The following PRKN variants were observed in gnomAD, a reference collection of about 807,000 sequenced individuals.
The protein encoded by PRKN is parkin RBR E3 ubiquitin protein ligase.
In PRKN, 56 loss-of-function variants were observed where a neutral mutation model predicts 59.5. The ratio of observed to expected loss-of-function variants is 0.94; its 90% CI spans 0.76 to 1.18. The LOEUF is 1.18. Ranked by LOEUF, PRKN falls within the 50% of genes most tolerant of loss-of-function variation. PRKN has a pLI of 0.00. For synonymous variants in PRKN, 250 were observed against 222.1 expected (o/e 1.13, Z -1.12); for missense variants, 657 against 596.4 (o/e 1.10, Z -1.06).
intron 2 of PRKN, among the ~76,000 whole-genome samples, chr6:162,354,866 T>TTTA (rs1784780559): frequency 6.6e-6 from 1 of 152,058 alleles, no homozygotes; most frequent in Non-Finnish European, 1.5e-5. Flanking sequence ...AAATTACTAG[T>TTTA]TTATTTATGC....
chr6:162,513,177 G>A (rs1291735459), intron 1 of PRKN, among the ~76,000 whole-genome samples: 1 of 152,022 alleles, frequency 6.6e-6, no homozygotes, highest in Non-Finnish European at 1.5e-5. Flanking sequence ...CCAAGGCAAG[G>A]AGACAAAAAA....
intron 6 of PRKN, among the ~76,000 whole-genome samples, chr6:161,966,703 G>C (rs947578809): frequency 6.6e-6 from 1 of 152,230 alleles, no homozygotes; most frequent in Non-Finnish European, 1.5e-5. Context: ...AGTCACTACT[G>C]TTGGTAAGGA....
chr6:161,694,712 G>T (rs1785943679), intron 7 of PRKN, among the ~76,000 whole-genome samples: 1 of 152,166 alleles, frequency 6.6e-6, no homozygotes, highest in African/African-American at 2.4e-5. Context: ...AGTGGTTAAA[G>T]TTCCCACTTT....
At position 162,191,333 on chromosome 6, in the gene PRKN, A is replaced by G. The variant is rs377268558; in HGVS notation, c.534+9798T>C. Among the ~76,000 whole-genome samples the G allele has an allele frequency of 4.6e-5, 7 of 152,208 alleles. No homozygotes were observed. The East Asian group carries it at 1.2e-3, about 25-fold the overall frequency. The stretch of plus-strand genomic sequence containing the variant: ...ATGTGGCAAACACTTGCTTTTCAAC[A>G]TGCTTCGTTACTATCACTGGCCATA... On this transcript the variant is annotated intron_variant, in intron 4 of 11. Transcript: ENST00000366898.
intron 2 of PRKN, among the ~76,000 whole-genome samples, chr6:162,340,409 C>T (rs999726447): frequency 7.9e-5 from 12 of 152,116 alleles, no homozygotes; most frequent in Non-Finnish European, 1.6e-4. Flanking sequence ...TATAGTCAAA[C>T]CATAATGAAA....
intron 2 of PRKN, among the ~76,000 whole-genome samples, chr6:162,376,886 G>A (rs1441261798): frequency 6.7e-6 from 1 of 148,888 alleles, no homozygotes; most frequent in Non-Finnish European, 1.5e-5. Flanking sequence ...GGGAGAGGGA[G>A]AGGGAAAGAG....
intron 9 of PRKN, among the ~76,000 whole-genome samples, chr6:161,537,295 A>G (rs1479429130): frequency 6.6e-6 from 1 of 152,234 alleles, no homozygotes; most frequent in East Asian, 1.9e-4. Context: ...CATTCTTTAA[A>G]AATCTAGCAA....
intron 6 of PRKN, among the ~76,000 whole-genome samples, chr6:161,917,877 C>T (rs1048757723): frequency 3.9e-5 from 6 of 152,184 alleles, no homozygotes; most frequent in South Asian, 2.1e-4. Context: ...ATGCAGGCTT[C>T]GCTGATCATG....
intron 9 of PRKN, among the ~76,000 whole-genome samples, chr6:161,430,277 C>T (rs1788578500): frequency 6.6e-6 from 1 of 152,220 alleles, no homozygotes; most frequent in African/African-American, 2.4e-5. Context: ...GGGCATTAAT[C>T]CATCCATGAG....
chr6:162,218,374 G>A (rs1280644131), intron 3 of PRKN, among the ~76,000 whole-genome samples: 1 of 152,082 alleles, frequency 6.6e-6, no homozygotes, highest in Non-Finnish European at 1.5e-5. Flanking sequence ...CACTAGGTGT[G>A]GGAAGCCCAG....
At chr6:162,463,112 A>G (rs1286421329) in intron 1 of PRKN, among the ~76,000 whole-genome samples, 2 of 152,094 alleles carry the variant, frequency 1.3e-5, no homozygotes, top group African/African-American at 4.8e-5. Context: ...AAACCACGTC[A>G]TCTTTGAGCA....
chr6:162,479,455 C>T (rs370958155), intron 1 of PRKN, among the ~76,000 whole-genome samples: 1 of 152,188 alleles, frequency 6.6e-6, no homozygotes, highest in African/African-American at 2.4e-5. Context: ...TCTTGAACTC[C>T]GTATCTCAGG....
chr6:161,387,079 T>C lies in PRKN; in HGVS notation c.1084-202A>G, dbSNP rs73606906. On this transcript the variant is annotated intron_variant, in intron 9 of 11. Coordinates refer to ENST00000366898, the MANE Select transcript of PRKN (RefSeq NM_004562.3). ...TTACTCAAGAGTGTTCCAAGCACCA[T>C]AGCAGGGCTACAGAGATGATGGGTC... 0.014 allele frequency among the ~76,000 whole-genome samples: 2,115 copies of C among 152,308 alleles called. 56 individuals are homozygous for C. Among genetic ancestry groups the C allele is most frequent in the African/African-American group, 0.049 (2,027 of 41,554 alleles).
intron 1 of PRKN, among the ~76,000 whole-genome samples, chr6:162,536,725 A>G (rs760213802): frequency 6.6e-6 from 1 of 151,968 alleles, no homozygotes; most frequent in Non-Finnish European, 1.5e-5. Flanking sequence ...GGTCCATGAC[A>G]TTCATATGTG....
intron 1 of PRKN, among the ~76,000 whole-genome samples, chr6:162,555,105 C>G (rs1307181939): frequency 6.6e-6 from 1 of 151,946 alleles, no homozygotes; most frequent in East Asian, 1.9e-4. Context: ...TATGTGATAC[C>G]CCAACGCAAA....
At chr6:162,407,705 A>C (rs1419453523) in intron 2 of PRKN, among the ~76,000 whole-genome samples, 1 of 151,904 alleles carries the variant, frequency 6.6e-6, no homozygotes, top group East Asian at 1.9e-4. Context: ...ACACAGTTAC[A>C]GGGTATAAAA....
chr6:161,931,110 G>A (rs1219303851), intron 6 of PRKN, among the ~76,000 whole-genome samples: 1 of 152,144 alleles, frequency 6.6e-6, no homozygotes, highest in Non-Finnish European at 1.5e-5. Context: ...TTGAATGAAC[G>A]AATGAATGAA....
intron 7 of PRKN, 137 bp downstream of exon 7, chr6:161,785,635 A>C (rs950270559): frequency 7.0e-6 from 6 of 861,122 alleles, no homozygotes; most frequent in African/African-American, 3.4e-5. Flanking sequence ...TCCAAACATT[A>C]ATGTTTCATA....
At position 162,385,607 on chromosome 6, in the gene PRKN, TC is replaced by T. The variant is rs375583818; in HGVS notation, c.171+57702del. On this transcript the variant is annotated intron_variant, in intron 2 of 11. Coordinates refer to ENST00000366898, the MANE Select transcript of PRKN (RefSeq NM_004562.3). ...CTGCGCGCTATTTCAGCAGGTCCTT[TC>T]CCGCTCTCCTTTCTCATCTTCACAA... 5.9e-3 allele frequency among the ~76,000 whole-genome samples: 896 copies of T among 152,182 alleles called. 4 individuals are homozygous for T. Among genetic ancestry groups the T allele is most frequent in the Middle Eastern group, 0.014 (4 of 292 alleles).
Sources: gnomAD v4.1 joint callset for allele counts (sites outside exome capture counted in the v4.1 genomes callset) on GRCh38, gnomAD v4.1.1 for gene constraint, MANE v1.5 for transcripts, NCBI Gene and HGNC (gene_info 2026-07-23, HGNC 2026-07-21) for gene names.